Variants in DGKH observed in about 807,000 individuals in gnomAD.
DGKH encodes diacylglycerol kinase eta.
DGKH carries 90 observed loss-of-function variants against 159.3 expected under a neutral mutation model. That is an observed-to-expected ratio of 0.57 (90% CI 0.48 to 0.67). The LOEUF (loss-of-function observed/expected upper bound fraction) is 0.67, where lower values mean the gene tolerates loss of function less well. Among genes scored for constraint, DGKH ranks in the 30% least tolerant of loss-of-function variants. DGKH has a pLI of 0.00. For synonymous variants in DGKH, 536 were observed against 553.8 expected (o/e 0.97, Z 0.45); for missense variants, 1,181 against 1,506.1 (o/e 0.78, Z 3.57).
chr13:42,091,185 A>G (rs1308040777), intron 1 of DGKH, among the ~76,000 whole-genome samples: 1 of 152,230 alleles, frequency 6.6e-6, no homozygotes, highest in African/African-American at 2.4e-5. Context: ...AGCTAAAACT[A>G]GAAGAACATA....
At chr13:42,204,786 C>T (rs909762941) in intron 20 of DGKH, among the ~76,000 whole-genome samples, 6 of 152,168 alleles carry the variant, frequency 3.9e-5, no homozygotes, top group African/African-American at 1.4e-4. Flanking sequence ...ATCAGAACCT[C>T]ACTACTGAAT....
chr13:42,130,295 C>T (rs1955262342), intron 3 of DGKH, among the ~76,000 whole-genome samples: 1 of 152,166 alleles, frequency 6.6e-6, no homozygotes, highest in African/African-American at 2.4e-5. Context: ...CCTCTGACTT[C>T]AGTGATTCCT....
At chr13:42,208,715 A>G (rs1957566378) in intron 21 of DGKH, among the ~76,000 whole-genome samples, 1 of 151,880 alleles carries the variant, frequency 6.6e-6, no homozygotes, top group South Asian at 2.1e-4. Flanking sequence ...TAACTGGTCC[A>G]AAGAGTAGTT....
intron 29 of DGKH, among the ~76,000 whole-genome samples, chr13:42,227,031 G>T (rs867234592): frequency 6.6e-6 from 1 of 152,074 alleles, no homozygotes. Flanking sequence ...AACACCACAC[G>T]TTCTTGTAAG....
intron 22 of DGKH, 35 bp from the exon 23 acceptor site, chr13:42,209,296 T>C (rs750657368): frequency 2.5e-6 from 4 of 1,588,616 alleles, no homozygotes; most frequent in Non-Finnish European, 3.4e-6. Context: ...TTTCTCTGGA[T>C]GATTTGTACT....
At chr13:42,064,309 A>C (rs959773435) in intron 1 of DGKH, among the ~76,000 whole-genome samples, 8 of 152,242 alleles carry the variant, frequency 5.3e-5, no homozygotes, top group African/African-American at 9.6e-5. Flanking sequence ...TGGGAAAGGG[A>C]ATAGACTAGA....
intron 13 of DGKH, among the ~76,000 whole-genome samples, chr13:42,180,622 G>C (rs1254765209): frequency 6.6e-6 from 1 of 152,128 alleles, no homozygotes; most frequent in Non-Finnish European, 1.5e-5. Flanking sequence ...TCTGCTCCCA[G>C]CCCTAGCTTT....
intron 3 of DGKH, among the ~76,000 whole-genome samples, chr13:42,143,256 T>C (rs1955620428): frequency 6.6e-6 from 1 of 152,174 alleles, no homozygotes; most frequent in African/African-American, 2.4e-5. Flanking sequence ...GCCCACTTGA[T>C]CATGGTGGAT....
At chr13:42,118,425 C>T (rs529104764) in intron 1 of DGKH, among the ~76,000 whole-genome samples, 82 of 152,268 alleles carry the variant, frequency 5.4e-4, no homozygotes, top group Non-Finnish European at 9.8e-4. Flanking sequence ...GATGTGTTAC[C>T]TAATGCCATG....
chr13:42,139,469 G>A (rs775345337), intron 3 of DGKH, among the ~76,000 whole-genome samples: 8 of 152,152 alleles, frequency 5.3e-5, no homozygotes, highest in Admixed American at 3.3e-4. Flanking sequence ...GAGCTGTGTC[G>A]GACTTTCAGT....
Position 42,226,606 on chromosome 13 carries a change from A to G in DGKH, c.3574-2493A>G, listed in dbSNP as rs907953966. On this transcript the variant is annotated intron_variant, in intron 29 of 29. Transcript: ENST00000337343. ...TGTGGTGGCTCAGGCCTGTAATCCC[A>G]GCACTTTGGGAGGCTGAGGCAGGTG... Among the ~76,000 whole-genome samples the G allele has an allele frequency of 2.6e-5, 4 of 152,174 alleles. No homozygotes were observed. In the East Asian group the frequency reaches 5.8e-4, roughly 22 times the overall value.
At chr13:42,191,527 T>C (rs1241396361) in intron 16 of DGKH, among the ~76,000 whole-genome samples, 1 of 152,164 alleles carries the variant, frequency 6.6e-6, no homozygotes, top group Non-Finnish European at 1.5e-5. Context: ...AGAAATTGTC[T>C]TCATACAATG....
Position 42,189,102 on chromosome 13 carries a change from C to T in DGKH, c.1705C>T (p.Pro569Ser), listed in dbSNP as rs147089288. 1.2e-6 allele frequency: 2 copies of T among 1,614,102 alleles called. No individual in the cohort carries two copies. The highest frequency in any genetic ancestry group is 2.7e-5 in the African/African-American group (2 of 74,946). Residue 569 changes from proline to serine, a missense_variant, in exon 15 of 30, where the codon CCT becomes TCT. Coordinates refer to ENST00000337343, the MANE Select transcript of DGKH (RefSeq NM_178009.5). ...TTTGCACACAGATTCCCAGGCTGCG[C>T]CTGTTCTCCCTGGCCTCAGCCCTCT... ...QALHTDSQAA[P>S]VLPGLSPLIV... is the part of the protein sequence containing the mutation.
intron 29 of DGKH, among the ~76,000 whole-genome samples, chr13:42,222,773 C>CTG (rs1014107732): frequency 6.6e-6 from 1 of 152,110 alleles, no homozygotes; most frequent in Non-Finnish European, 1.5e-5. Context: ...AGGGAAAAGA[C>CTG]TGTGTGTGTA....
At chr13:42,053,864 C>T (rs1881555252) in intron 1 of DGKH, among the ~76,000 whole-genome samples, 1 of 152,066 alleles carries the variant, frequency 6.6e-6, no homozygotes, top group South Asian at 2.1e-4. Context: ...TTGTGATCCA[C>T]CTGCCTTGGC....
intron 3 of DGKH, among the ~76,000 whole-genome samples, chr13:42,142,496 A>C (rs1279867699): frequency 2.0e-5 from 3 of 149,064 alleles, no homozygotes; most frequent in Non-Finnish European, 4.5e-5. Flanking sequence ...CAGTATGGCC[A>C]TTTTCATGAT....
rs901466467 is a variant in DGKH at position 42,196,394 on chromosome 13, C to T, written c.2167+1378C>T. On this transcript the variant is annotated intron_variant, in intron 17 of 29. Coordinates refer to ENST00000337343, the MANE Select transcript of DGKH (RefSeq NM_178009.5). The stretch of plus-strand genomic sequence containing the variant: ...CACAATAGCCCCAAAGTGGAAGCAA[C>T]CCAAACATCCATCAGTTGAATGGAA... Among the ~76,000 whole-genome samples, 5 of 152,116 alleles carry T rather than the reference C, an allele frequency of 3.3e-5. No individual in the cohort carries two copies. In the East Asian group the frequency reaches 5.8e-4, roughly 18 times the overall value.
chr13:42,042,900 A>G (rs191286600), intron 1 of DGKH, among the ~76,000 whole-genome samples: 82 of 152,342 alleles, frequency 5.4e-4, no homozygotes, highest in Non-Finnish European at 9.8e-4. Context: ...AAAAAAGACA[A>G]TTTATCCAAA....
chr13:42,251,506 T>G (rs1018700792), intron 29 of DGKH, among the ~76,000 whole-genome samples: 1 of 152,168 alleles, frequency 6.6e-6, no homozygotes, highest in Non-Finnish European at 1.5e-5. Context: ...CCCTTTGGTA[T>G]TAACTGAAAT....
Sources: gnomAD v4.1 joint callset for allele counts (sites outside exome capture counted in the v4.1 genomes callset) on GRCh38, gnomAD v4.1.1 for gene constraint, MANE v1.5 for transcripts, NCBI Gene and HGNC (gene_info 2026-07-23, HGNC 2026-07-21) for gene names.